The following ENPP3 variants were observed in gnomAD, a reference collection of about 807,000 sequenced individuals.
ENPP3 encodes ectonucleotide pyrophosphatase/phosphodiesterase family member 3.
Under a neutral mutation model 117.8 loss-of-function variants are expected in ENPP3, and 104 were observed. The ratio of observed to expected loss-of-function variants is 0.88; its 90% CI spans 0.75 to 1.04. ENPP3 has a LOEUF of 1.04. Ranked by LOEUF, ENPP3 falls within the 50% of genes least tolerant of loss-of-function variation. The probability of loss-of-function intolerance (pLI) is 0.00; values close to 1 mark genes in which losing one functional copy is unlikely to be tolerated. For missense variants in ENPP3, 1,026 were observed against 1,051.9 expected (o/e 0.98, Z 0.34); for synonymous variants, 380 against 349.9 (o/e 1.09, Z -0.96).
In ENPP3 at chr6:131,641,451, A is replaced by G. The variant is rs760261193; in HGVS notation, c.79-4A>G. On this transcript the variant is annotated splice_polypyrimidine_tract_variant and splice_region_variant and intron_variant, in intron 1 of 24. Transcript: ENST00000357639. The stretch of plus-strand genomic sequence containing the variant: ...TAAAAGTTACTTTTTCCTTTTTGCA[A>G]TAGGTTCTTCTTGCTTTGCTGGTGA... 10 of 1,604,554 alleles carry G rather than the reference A, an allele frequency of 6.2e-6. No individual in the cohort carries two copies. Among genetic ancestry groups the G allele is most frequent in the African/African-American group, 2.7e-5 (2 of 74,668 alleles).
intron 16 of ENPP3, 40 bp downstream of exon 16, chr6:131,718,778 CA>C: frequency 8.0e-7 from 1 of 1,248,608 alleles, no homozygotes; most frequent in Admixed American, 1.8e-5. Context: ...ATTTTAAGTT[CA>C]GGGGTACATG....
At chr6:131,676,600 A>C in intron 9 of ENPP3, 136 bp from the exon 10 acceptor site, 1 of 608,176 alleles carries the variant, frequency 1.6e-6, no homozygotes, top group Non-Finnish European at 3.0e-6. Flanking sequence ...AATAATACTG[A>C]ATACCTTCCA....
At chr6:131,697,785 G>A (rs1779440908) in intron 15 of ENPP3, among the ~76,000 whole-genome samples, 1 of 152,138 alleles carries the variant, frequency 6.6e-6, no homozygotes, top group Non-Finnish European at 1.5e-5. Context: ...CTCACCTCCT[G>A]TTGTGTGGCC....
chr6:131,684,580 G>A (rs949840747), intron 12 of ENPP3, among the ~76,000 whole-genome samples: 1 of 151,872 alleles, frequency 6.6e-6, no homozygotes, highest in Non-Finnish European at 1.5e-5. Context: ...TTGGGAGGCT[G>A]AGACAGGAGA....
chr6:131,677,663 T>C (rs1164441560), intron 10 of ENPP3, among the ~76,000 whole-genome samples: 1 of 152,112 alleles, frequency 6.6e-6, no homozygotes, highest in East Asian at 1.9e-4. Flanking sequence ...CCACTGCTTG[T>C]ATCTGGGAAG....
At chr6:131,730,227 A>C (rs901670017) in intron 20 of ENPP3, among the ~76,000 whole-genome samples, 6 of 152,212 alleles carry the variant, frequency 3.9e-5, no homozygotes, top group African/African-American at 1.4e-4. Context: ...TATGGGGCCA[A>C]CTTGGTCAGC....
intron 2 of ENPP3, among the ~76,000 whole-genome samples, chr6:131,649,215 C>G (rs947164317): frequency 2.0e-5 from 3 of 152,230 alleles, no homozygotes; most frequent in Non-Finnish European, 4.4e-5. Context: ...AGTTTCCATC[C>G]CTACCCTACT....
intron 5 of ENPP3, among the ~76,000 whole-genome samples, chr6:131,653,617 T>C (rs924099104): frequency 3.9e-5 from 6 of 152,316 alleles, no homozygotes; most frequent in South Asian, 2.1e-4. Flanking sequence ...GGTCTCGCAA[T>C]GTTGGCTAGG....
At chr6:131,677,199 C>T (rs1241597725) in intron 10 of ENPP3, among the ~76,000 whole-genome samples, 1 of 152,060 alleles carries the variant, frequency 6.6e-6, no homozygotes, top group East Asian at 1.9e-4. Context: ...CATGCCACTG[C>T]CCTCCAGCCT....
intron 24 of ENPP3, among the ~76,000 whole-genome samples, chr6:131,741,085 A>T (rs1332645495): frequency 1.3e-5 from 2 of 152,158 alleles, no homozygotes; most frequent in East Asian, 3.9e-4. Flanking sequence ...TTCTTTTTTT[A>T]AACATCATTA....
chr6:131,725,967 T>C (rs1780145458), intron 19 of ENPP3, 79 bp from the exon 20 acceptor site: 7 of 878,024 alleles, frequency 8.0e-6, no homozygotes, highest in Non-Finnish European at 1.1e-5. Flanking sequence ...GTGGTAGTTA[T>C]TATATGGGTA....
intron 16 of ENPP3, among the ~76,000 whole-genome samples, chr6:131,719,436 G>GA (rs919822672): frequency 1.2e-4 from 17 of 136,544 alleles, no homozygotes; most frequent in South Asian, 7.2e-4. Context: ...TTTCCAAATA[G>GA]AAAAAAAAAT....
intron 6 of ENPP3, among the ~76,000 whole-genome samples, chr6:131,668,340 G>C (rs1435931887): frequency 7.9e-6 from 1 of 125,934 alleles, no homozygotes; most frequent in Non-Finnish European, 1.7e-5. Flanking sequence ...GCCCCCCCCT[G>C]AGGATCTGGG....
intron 6 of ENPP3, among the ~76,000 whole-genome samples, chr6:131,665,130 T>C (rs1250941716): frequency 6.6e-6 from 1 of 152,174 alleles, no homozygotes; most frequent in Non-Finnish European, 1.5e-5. Context: ...AATCTTTTCA[T>C]TGTGTTGTTG....
chr6:131,673,781 C>CT (rs548548269), intron 7 of ENPP3, among the ~76,000 whole-genome samples: 1 of 151,822 alleles, frequency 6.6e-6, no homozygotes, highest in Admixed American at 6.6e-5. Flanking sequence ...CATGTACAGA[C>CT]TTTTTTTTGT....
At chr6:131,692,342 A>G (rs1460341435) in intron 14 of ENPP3, among the ~76,000 whole-genome samples, 1 of 152,058 alleles carries the variant, frequency 6.6e-6, no homozygotes, top group Non-Finnish European at 1.5e-5. Flanking sequence ...CCATACAGTC[A>G]TAATTGTTAA....
intron 24 of ENPP3, among the ~76,000 whole-genome samples, chr6:131,741,022 G>C (rs1780517568): frequency 6.6e-6 from 1 of 151,952 alleles, no homozygotes; most frequent in Non-Finnish European, 1.5e-5. Flanking sequence ...CATGAGGTGT[G>C]AAATTGATTA....
intron 1 of ENPP3, among the ~76,000 whole-genome samples, chr6:131,639,435 T>G (rs1181602727): frequency 6.6e-6 from 1 of 151,870 alleles, no homozygotes; most frequent in Non-Finnish European, 1.5e-5. Context: ...CAAGCATGTT[T>G]ATTATATTTA....
intron 6 of ENPP3, among the ~76,000 whole-genome samples, chr6:131,661,426 C>T (rs78700955): frequency 0.042 from 6,441 of 151,608 alleles, 215 homozygotes; most frequent in Middle Eastern, 0.14. Flanking sequence ...ACAGATGTGA[C>T]GTGCTATCTC....
Sources: gnomAD v4.1 joint callset for allele counts (sites outside exome capture counted in the v4.1 genomes callset) on GRCh38, gnomAD v4.1.1 for gene constraint, MANE v1.5 for transcripts, NCBI Gene and HGNC (gene_info 2026-07-23, HGNC 2026-07-21) for gene names.